The following ARHGEF18 variants were observed in gnomAD, a reference collection of about 807,000 sequenced individuals.
ARHGEF18 encodes Rho/Rac guanine nucleotide exchange factor 18, also known as rho guanine nucleotide exchange factor 18.
ARHGEF18 carries 93 observed loss-of-function variants against 155.7 expected under a neutral mutation model. The observed-to-expected ratio is 0.60, with a 90% CI of 0.50 to 0.71. ARHGEF18 has a LOEUF of 0.71. ARHGEF18 is among the 30% of genes least tolerant of loss of function. ARHGEF18 has a pLI of 0.00. For missense variants in ARHGEF18, 1,593 were observed against 1,816.1 expected (o/e 0.88, Z 2.23); for synonymous variants, 742 against 753.1 (o/e 0.99, Z 0.24).
chr19:7,377,400 T>C (rs1027441243), intron 5 of ARHGEF18, among the ~76,000 whole-genome samples: 3 of 152,098 alleles, frequency 2.0e-5, no homozygotes, highest in African/African-American at 7.2e-5. Context: ...TCTTTCTTTA[T>C]CTCTGAATTT....
Position 7,383,351 on chromosome 19 carries a change from G to A in ARHGEF18, c.967+148G>A, listed in dbSNP as rs940616234. The A allele has an allele frequency of 1.9e-5, 17 of 896,894 alleles. No individual in the cohort carries two copies. In the African/African-American group the frequency reaches 2.8e-4, roughly 15 times the overall value. 55.6% of individuals were successfully genotyped at this position (896,894 alleles called of 1,614,324 possible). A position where few individuals can be genotyped will look rare whatever the true frequency, so the allele number is the denominator to read the frequency against. On this transcript the variant is annotated intron_variant, in intron 10 of 28. Transcript: ENST00000668164. ...TCGGCGGCTCCCTGGAGAGAACCAG[G>A]GATCAGTCCCTGGGCACAGGGACCC...
intron 10 of ARHGEF18, among the ~76,000 whole-genome samples, chr19:7,391,117 C>T (rs1971378580): frequency 6.6e-6 from 1 of 152,060 alleles, no homozygotes; most frequent in African/African-American, 2.4e-5. Flanking sequence ...AAACCCCTCC[C>T]CACCTGTGTC....
At chr19:7,437,619 C>T (rs186201488) in intron 10 of ARHGEF18, among the ~76,000 whole-genome samples, 1 of 143,698 alleles carries the variant, frequency 7.0e-6, no homozygotes, top group East Asian at 2.1e-4. Context: ...AGCCAGGAGG[C>T]CACAGGACAG....
rs558867304 is a variant in ARHGEF18, at chr19:7,465,089, G to A, written c.2904+399G>A. On this transcript the variant is annotated intron_variant, in intron 23 of 28. Transcript: ENST00000668164. ...CCAGGTGCCTACTCGGCCCTGCCCA[G>A]GTCAGGGGGTCAGAGGCCAAGGCCA... 6.5e-3 allele frequency among the ~76,000 whole-genome samples: 987 copies of A among 152,014 alleles called. 11 individuals carry two copies. The highest frequency in any genetic ancestry group is 0.023 in the African/African-American group (948 of 41,272).
chr19:7,461,664 T>A (rs6603093), intron 20 of ARHGEF18, among the ~76,000 whole-genome samples: 81,709 of 151,980 alleles, frequency 0.54, 22,146 homozygotes, highest in Middle Eastern at 0.62. Context: ...CACACCCTAC[T>A]GTGTTTGATT....
rs1261538150 is a variant in ARHGEF18, at chr19:7,472,135, T to C, written c.*1837T>C. On this transcript the variant is annotated 3_prime_UTR_variant, in exon 29 of 29. Transcript: ENST00000668164. ...ACAATTCCTTGGATGGGGGAGAAGT[T>C]CAAGGAATTTCTGCTCGGCCACGCG... 1 of 152,204 alleles carries C rather than the reference T, an allele frequency of 6.6e-6. No homozygotes were observed. Among genetic ancestry groups the C allele is most frequent in the African/African-American group, 2.4e-5 (1 of 41,368 alleles). The allele number at this position is 152,204 out of a possible 1,614,324, so 9.4% of individuals were successfully genotyped here.
At chr19:7,477,976 G>T in the ARHGEF18 span, among the ~76,000 whole-genome samples, 81 of 152,320 alleles carry the variant, frequency 5.3e-4, 1 homozygote, top group African/African-American at 1.8e-3. Flanking sequence ...GAGCCAAGAT[G>T]GCACCACTGT....
At chr19:7,418,769 G>T (rs1237901591) in intron 10 of ARHGEF18, among the ~76,000 whole-genome samples, 1 of 152,078 alleles carries the variant, frequency 6.6e-6, no homozygotes, top group African/African-American at 2.4e-5. Flanking sequence ...TGATGGAGTT[G>T]TCGGTGTGGA....
chr19:7,462,050 C>T lies in ARHGEF18; in HGVS notation c.2453-102C>T. The T allele has an allele frequency of 1.4e-6, 2 of 1,404,252 alleles. No homozygotes were observed. The highest frequency in any genetic ancestry group is 2.4e-5 in the South Asian group (2 of 81,894). The allele number at this position is 1,404,252 out of a possible 1,614,324, so 87.0% of individuals were successfully genotyped here. On this transcript the variant is annotated intron_variant, in intron 20 of 28. Coordinates refer to ENST00000668164, the MANE Select transcript of ARHGEF18 (RefSeq NM_001367823.1). The surrounding 1 kb of genome is among the most constrained non-coding windows in gnomAD (Gnocchi z 4.4). ...CACAAGGGGGCAGCCTACCTCAGGG[C>T]AGGGCCAGCGGGGTTCCTCATCCTT... is the stretch of plus-strand genomic sequence containing the variant.
chr19:7,478,409 G>A, the ARHGEF18 span: 37 of 1,591,158 alleles, frequency 2.3e-5, no homozygotes, highest in Middle Eastern at 3.4e-4. Context: ...AGGATGCCCC[G>A]GCGGGGAGCA....
intron 2 of ARHGEF18, 39 bp downstream of exon 2, chr19:7,362,944 C>T (rs1196757918): frequency 1.1e-5 from 13 of 1,234,236 alleles, no homozygotes; most frequent in Admixed American, 4.2e-5. Context: ...GAGCTGATGA[C>T]GACAGTGGCA....
At position 7,395,233 on chromosome 19, in the gene ARHGEF18, G is replaced by A. The variant is rs1257224972; in HGVS notation, c.967+12030G>A. 3.0e-6 allele frequency: 3 copies of A among 987,108 alleles called. No individual in the cohort carries two copies. The highest frequency in any genetic ancestry group is 3.5e-5 in the African/African-American group (2 of 57,268). 61.1% of individuals were successfully genotyped at this position (987,108 alleles called of 1,614,324 possible). A position where few individuals can be genotyped will look rare whatever the true frequency, so the allele number is the denominator to read the frequency against. On this transcript the variant is annotated intron_variant, in intron 10 of 28. Transcript: ENST00000668164. The surrounding 1 kb of genome is among the most constrained non-coding windows in gnomAD (Gnocchi z 5.0). The stretch of plus-strand genomic sequence containing the variant: ...AGGAGCTGGCGGAGAGCGGCCTGCG[G>A]GCGATCGGGCCGAGGTGAGGACGGC...
At chr19:7,398,615 C>G (rs887867392) in intron 10 of ARHGEF18, among the ~76,000 whole-genome samples, 15 of 151,180 alleles carry the variant, frequency 9.9e-5, no homozygotes, top group South Asian at 2.1e-4. Flanking sequence ...CGCTTGAACC[C>G]GCAAGGCAGA....
the ARHGEF18 span, among the ~76,000 whole-genome samples, chr19:7,478,035 A>G: frequency 6.6e-6 from 1 of 152,238 alleles, no homozygotes; most frequent in South Asian, 2.1e-4. Flanking sequence ...AAACAAAAAG[A>G]AAAAGCAACA....
At chr19:7,438,007 TC>T (rs1974371614) in intron 10 of ARHGEF18, among the ~76,000 whole-genome samples, 1 of 55,316 alleles carries the variant, frequency 1.8e-5, no homozygotes, top group African/African-American at 7.2e-5. Flanking sequence ...TCCCCTCCCC[TC>T]CCCTCCCCTC....
chr19:7,445,417 C>T (rs1216667300), intron 14 of ARHGEF18, among the ~76,000 whole-genome samples: 1 of 152,150 alleles, frequency 6.6e-6, no homozygotes, highest in Non-Finnish European at 1.5e-5. Flanking sequence ...CACTGCCCTC[C>T]AGCCTGGGCA....
intron 10 of ARHGEF18, among the ~76,000 whole-genome samples, chr19:7,387,738 C>G (rs1446601372): frequency 6.6e-6 from 1 of 152,102 alleles, no homozygotes; most frequent in South Asian, 2.1e-4. Flanking sequence ...GGCGTGATGT[C>G]GGCTCACTGG....
chr19:7,352,280 G>A (rs141535082), intron 1 of ARHGEF18, among the ~76,000 whole-genome samples: 5 of 151,730 alleles, frequency 3.3e-5, no homozygotes, highest in Admixed American at 6.6e-5. Flanking sequence ...TTTTGCTCTC[G>A]GTGAGGGCTA....
intron 10 of ARHGEF18, among the ~76,000 whole-genome samples, chr19:7,403,924 G>T (rs1401978753): frequency 6.6e-6 from 1 of 152,110 alleles, no homozygotes; most frequent in Non-Finnish European, 1.5e-5. Flanking sequence ...AATTAACCAG[G>T]CGTGGTGGCT....
Sources: allele counts gnomAD v4.1 joint callset (sites outside exome capture counted in the v4.1 genomes callset), GRCh38; gene constraint gnomAD v4.1.1; non-coding constraint Gnocchi (gnomAD v3.1); transcripts MANE v1.5; gene names NCBI Gene and HGNC (gene_info 2026-07-23, HGNC 2026-07-21).